The following NEGR1 variants were observed in gnomAD, a reference collection of about 807,000 sequenced individuals.
NEGR1 encodes IgLON family member 4.
In NEGR1, 10 loss-of-function variants were observed where a neutral mutation model predicts 40.9. That is an observed-to-expected ratio of 0.24 (90% CI 0.15 to 0.42). NEGR1 has a LOEUF of 0.42. NEGR1 is among the 10% of genes least tolerant of loss of function. NEGR1 has a pLI of 1.00. For synonymous variants in NEGR1, 185 were observed against 166.8 expected, an observed-to-expected ratio of 1.11 and a Z score of -0.84; for missense variants, 352 against 438.9, an observed-to-expected ratio of 0.80 and a Z score of 1.77.
At chr1:72,119,939 C>T (rs1407401015) in intron 1 of NEGR1, among the ~76,000 whole-genome samples, 1 of 151,910 alleles carries the variant, frequency 6.6e-6, no homozygotes, top group African/African-American at 2.4e-5. Context: ...CTTCCTTTAA[C>T]TGGGTCTTAT....
At chr1:71,468,565 G>T (rs988825158) in intron 6 of NEGR1, 3 of 151,894 alleles carry the variant, frequency 2.0e-5, no homozygotes, top group African/African-American at 7.2e-5. Flanking sequence ...AACTAAAATA[G>T]AAGGGCACCT....
At chr1:72,117,409 CTGTT>C (rs1351640051) in intron 1 of NEGR1, among the ~76,000 whole-genome samples, 4 of 151,800 alleles carry the variant, frequency 2.6e-5, no homozygotes, top group African/African-American at 9.7e-5. Flanking sequence ...AGTGAATTGT[CTGTT>C]TGAGAATACA....
intron 2 of NEGR1, among the ~76,000 whole-genome samples, chr1:71,909,523 C>A (rs1196540164): frequency 6.6e-6 from 1 of 152,120 alleles, no homozygotes. Flanking sequence ...TTGTTCTGAG[C>A]TAAGACAGGC....
chr1:71,847,744 A>T (rs1168439792), intron 2 of NEGR1, among the ~76,000 whole-genome samples: 1 of 152,212 alleles, frequency 6.6e-6, no homozygotes, highest in African/African-American at 2.4e-5. Flanking sequence ...ACCTCTAAGT[A>T]TTAAAGTAAA....
At chr1:72,077,554 C>G (rs1647796522) in intron 1 of NEGR1, among the ~76,000 whole-genome samples, 3 of 151,900 alleles carry the variant, frequency 2.0e-5, no homozygotes, top group African/African-American at 7.3e-5. Flanking sequence ...CTTCGGGAGG[C>G]TGAAGTTGGG....
At chr1:72,008,230 C>T (rs1382571695) in intron 1 of NEGR1, among the ~76,000 whole-genome samples, 1 of 152,050 alleles carries the variant, frequency 6.6e-6, no homozygotes, top group Non-Finnish European at 1.5e-5. Flanking sequence ...TGACCAAGGT[C>T]ACATAGTTAA....
chr1:71,820,628 A>G (rs1268031475), intron 2 of NEGR1, among the ~76,000 whole-genome samples: 1 of 151,968 alleles, frequency 6.6e-6, no homozygotes, highest in African/African-American at 2.4e-5. Context: ...GTATCTACTA[A>G]TGGTCATCTC....
intron 1 of NEGR1, among the ~76,000 whole-genome samples, chr1:72,088,792 CTCTCTTTTTTTTTTTTTT>C (rs1281927911): frequency 2.4e-5 from 3 of 124,140 alleles, no homozygotes; most frequent in African/African-American, 6.3e-5. Context: ...AGTTCTCTCT[CTCTCTTTTTTTTTTTTTT>C]TTTTTTTTTT....
chr1:71,478,435 A>AT (rs538149998), intron 6 of NEGR1, among the ~76,000 whole-genome samples: 30 of 152,058 alleles, frequency 2.0e-4, no homozygotes, highest in African/African-American at 6.5e-4. Context: ...ACAAAACAAC[A>AT]TTTTTTGTAG....
At chr1:72,260,298 AT>A in intron 1 of NEGR1, among the ~76,000 whole-genome samples, 1 of 152,148 alleles carries the variant, frequency 6.6e-6, no homozygotes, top group African/African-American at 2.4e-5. Context: ...CAAAATCAGG[AT>A]TTTATTCTCT....
chr1:72,149,830 G>A (rs1412913396), intron 1 of NEGR1, among the ~76,000 whole-genome samples: 10 of 134,174 alleles, frequency 7.5e-5, no homozygotes, highest in African/African-American at 2.7e-4. Context: ...GTGGTGAGCC[G>A]AGATGTTGCC....
intron 2 of NEGR1, among the ~76,000 whole-genome samples, chr1:71,817,905 A>G (rs939504638): frequency 1.3e-5 from 2 of 152,002 alleles, no homozygotes; most frequent in Non-Finnish European, 2.9e-5. Context: ...AGTTTAACCT[A>G]TATGTATTGG....
At chr1:71,500,248 C>T (rs1372165485) in intron 6 of NEGR1, among the ~76,000 whole-genome samples, 1 of 151,242 alleles carries the variant, frequency 6.6e-6, no homozygotes, top group African/African-American at 2.4e-5. Context: ...TTTTTTTTTC[C>T]AGCTATGAGG....
chr1:71,618,796 T>G (rs1340529951), intron 4 of NEGR1, among the ~76,000 whole-genome samples: 1 of 152,180 alleles, frequency 6.6e-6, no homozygotes, highest in Non-Finnish European at 1.5e-5. Flanking sequence ...GGTTAGAGAC[T>G]GCTGTCTTTT....
chr1:71,579,879 A>G (rs1170635073), intron 6 of NEGR1, among the ~76,000 whole-genome samples: 1 of 152,190 alleles, frequency 6.6e-6, no homozygotes, highest in Non-Finnish European at 1.5e-5. Context: ...ATACCTTAGG[A>G]AAAAATGAAT....
chr1:71,597,432 G>GTCTCTCTCTCTCTC (rs1158039041), intron 5 of NEGR1, among the ~76,000 whole-genome samples: 11 of 60,746 alleles, frequency 1.8e-4, no homozygotes, highest in African/African-American at 7.2e-4. Flanking sequence ...ATATATATAT[G>GTCTCTCTCTCTCTC]TCTCTCTCTC....
intron 1 of NEGR1, among the ~76,000 whole-genome samples, chr1:72,093,107 C>T (rs1235092873): frequency 2.0e-5 from 3 of 152,010 alleles, no homozygotes; most frequent in Non-Finnish European, 4.4e-5. Context: ...CCAAAGCAGG[C>T]AGATCACGAG....
At chr1:71,781,311 G>T (rs1656707086) in intron 2 of NEGR1, among the ~76,000 whole-genome samples, 1 of 152,038 alleles carries the variant, frequency 6.6e-6, no homozygotes, top group Non-Finnish European at 1.5e-5. Context: ...AAATAAAATA[G>T]CACCTGAACC....
intron 2 of NEGR1, among the ~76,000 whole-genome samples, chr1:71,852,747 A>G (rs554323334): frequency 6.6e-6 from 1 of 151,958 alleles, no homozygotes; most frequent in Non-Finnish European, 1.5e-5. Context: ...TTAGTAATAC[A>G]GATGAGAGGT....
Sources: allele counts gnomAD v4.1 joint callset (sites outside exome capture counted in the v4.1 genomes callset), GRCh38; gene constraint gnomAD v4.1.1; transcripts MANE v1.5; gene names NCBI Gene and HGNC (gene_info 2026-07-23, HGNC 2026-07-21).